LAMA4: variants seen among roughly 807,000 people sequenced by gnomAD.
The protein encoded by LAMA4 is laminin subunit alpha 4, also known as laminin subunit alpha-4.
A neutral mutation model predicts 207.1 loss-of-function variants in LAMA4; 127 were observed. That is an observed-to-expected ratio of 0.61 (90% CI 0.53 to 0.71). The LOEUF is 0.71. LAMA4 is among the 30% of genes least tolerant of loss of function. The probability of loss-of-function intolerance (pLI) is 0.00; values close to 1 mark genes in which losing one functional copy is unlikely to be tolerated. For missense variants in LAMA4, 2,093 were observed against 2,246.5 expected, an observed-to-expected ratio of 0.93 and a Z score of 1.38; for synonymous variants, 761 against 816.0, an observed-to-expected ratio of 0.93 and a Z score of 1.15.
chr6:112,186,227 T>C (rs1437048777), intron 8 of LAMA4, among the ~76,000 whole-genome samples: 1 of 152,152 alleles, frequency 6.6e-6, no homozygotes, highest in Non-Finnish European at 1.5e-5. Flanking sequence ...CAACAGCTCA[T>C]GAGATAGAGG....
chr6:112,177,026 G>C (rs1473008940), intron 10 of LAMA4, among the ~76,000 whole-genome samples: 1 of 152,200 alleles, frequency 6.6e-6, no homozygotes, highest in Non-Finnish European at 1.5e-5. Flanking sequence ...GCTGCCTAAA[G>C]AGGCATTTAT....
intron 1 of LAMA4, 55 bp from the exon 2 acceptor site, chr6:112,254,346 CCTCT>C: frequency 1.6e-6 from 1 of 636,332 alleles, no homozygotes; most frequent in Non-Finnish European, 2.8e-6. Flanking sequence ...CCTCTCTCTC[CCTCT>C]CTCTCTCTCC....
chr6:112,178,020 T>C, intron 10 of LAMA4, 101 bp downstream of exon 10: 1 of 863,206 alleles, frequency 1.2e-6, no homozygotes, highest in South Asian at 1.3e-5. Context: ...AACAAGTTCC[T>C]GGCACACAGC....
At chr6:112,154,768 GA>G in intron 16 of LAMA4, 82 bp downstream of exon 16, 1 of 878,926 alleles carries the variant, frequency 1.1e-6, no homozygotes, top group Non-Finnish European at 2.0e-6. Flanking sequence ...TTTAATCCTA[GA>G]TTTGGAAATC....
At chr6:112,136,608 C>T (rs1172844069) in intron 24 of LAMA4, among the ~76,000 whole-genome samples, 1 of 151,018 alleles carries the variant, frequency 6.6e-6, no homozygotes, top group East Asian at 2.0e-4. Context: ...AAGAGAATCG[C>T]TTGAACCCGG....
chr6:112,135,219 G>A (rs1779270273), intron 25 of LAMA4, among the ~76,000 whole-genome samples: 1 of 152,080 alleles, frequency 6.6e-6, no homozygotes, highest in South Asian at 2.1e-4. Context: ...AGCAGATTTC[G>A]AGAACTTACT....
intron 8 of LAMA4, 95 bp downstream of exon 8, chr6:112,187,355 A>G: frequency 7.3e-7 from 1 of 1,373,722 alleles, no homozygotes; most frequent in Non-Finnish European, 1.0e-6. Flanking sequence ...TACAGGTATG[A>G]GACTCAGATA....
At chr6:112,253,706 A>C in intron 2 of LAMA4, 1 of 1,589,618 alleles carries the variant, frequency 6.3e-7, no homozygotes, top group Non-Finnish European at 8.6e-7. Context: ...ATGAACTCAG[A>C]GCACCAACAC....
At chr6:112,147,560 G>T (rs1396221822) in intron 18 of LAMA4, among the ~76,000 whole-genome samples, 1 of 152,150 alleles carries the variant, frequency 6.6e-6, no homozygotes, top group Non-Finnish European at 1.5e-5. Flanking sequence ...TGGAAAAAGC[G>T]AAATTTCACA....
chr6:112,168,199 A>C (rs1332315082), intron 12 of LAMA4, among the ~76,000 whole-genome samples: 1 of 138,740 alleles, frequency 7.2e-6, no homozygotes, highest in Non-Finnish European at 1.5e-5. Flanking sequence ...CTCCGTCTCA[A>C]AAAAAAAAAA....
intron 9 of LAMA4, among the ~76,000 whole-genome samples, chr6:112,181,661 T>C (rs1196258257): frequency 6.6e-6 from 1 of 152,180 alleles, no homozygotes; most frequent in Non-Finnish European, 1.5e-5. Flanking sequence ...ATTTCTTCCT[T>C]AGAGTTACCG....
At chr6:112,221,994 C>T (rs1475495677) in intron 2 of LAMA4, among the ~76,000 whole-genome samples, 2 of 152,170 alleles carry the variant, frequency 1.3e-5, no homozygotes, top group African/African-American at 2.4e-5. Context: ...GCAAGCAGTT[C>T]TGAATTTAAG....
chr6:112,121,799 A>G (rs1262135687), intron 32 of LAMA4: 1 of 513,094 alleles, frequency 1.9e-6, no homozygotes, highest in Non-Finnish European at 3.5e-6. Flanking sequence ...TCCTGGAAGA[A>G]TACTGTTTTA....
chr6:112,185,312 T>C lies in LAMA4; in HGVS notation c.1002A>G (p.Leu334=), dbSNP rs1782619842. 1 of 1,613,370 alleles carries C rather than the reference T, an allele frequency of 6.2e-7. No individual in the cohort carries two copies. Among genetic ancestry groups the C allele is most frequent in the South Asian group, 1.1e-5 (1 of 91,066 alleles). ...CAGCATTGTTGATTTGTATCTTTCT[T>C]AGGGCGTATTGGTTTTCTCTTTCTG... ...KLSERENQYA[L]RKIQINNAEN... The change falls in exon 9 of 39, where the codon CTA becomes CTG. Residue 334 remains leucine, a synonymous_variant. Coordinates refer to ENST00000230538, the MANE Select transcript of LAMA4 (RefSeq NM_001105206.3).
chr6:112,171,634 G>A (rs1001617898), intron 12 of LAMA4: 1 of 150,736 alleles, frequency 6.6e-6, no homozygotes, highest in Non-Finnish European at 1.5e-5. Flanking sequence ...ACAGTATTTT[G>A]TGTTATACTT....
Position 112,148,333 on chromosome 6 carries a change from TC to T in LAMA4, c.2176del (p.Asp726MetfsTer11). ...AGACTGCCCCAGGCGCTGCTGGGCA[TC>T]CCCTTTACACAGAGCACAGGGTCAT... Reference protein sequence around the residue: ...VKQLQAAERGDAQQRLGQSRL... With the variant: ...VKQLQAAERGXAQQRLGQSRL... On this transcript the variant is annotated frameshift_variant and splice_region_variant, in exon 18 of 39. Transcript: ENST00000230538. LOFTEE classifies it high-confidence loss of function. 1 of 1,614,074 alleles carries T rather than the reference TC, an allele frequency of 6.2e-7. No individual in the cohort carries two copies. The highest frequency in any genetic ancestry group is 1.1e-5 in the South Asian group (1 of 91,078).
chr6:112,151,875 T>A (rs1484255851), intron 16 of LAMA4, among the ~76,000 whole-genome samples: 1 of 152,088 alleles, frequency 6.6e-6, no homozygotes, highest in African/African-American at 2.4e-5. Flanking sequence ...AAAAGTCAAG[T>A]TTGTTAAATA....
At chr6:112,168,738 ATG>A (rs1417897684) in intron 12 of LAMA4, among the ~76,000 whole-genome samples, 1 of 151,788 alleles carries the variant, frequency 6.6e-6, no homozygotes, top group Non-Finnish European at 1.5e-5. Context: ...AGGGATATAT[ATG>A]TGTGTGTATG....
rs143937452 is a variant in LAMA4, at chr6:112,165,194, C to T, written c.1634G>A (p.Arg545His). The stretch of plus-strand genomic sequence containing the variant: ...ATCATCAAGTTCTGAAAGAGTTAGA[C>T]GAGGTGTTGTCAGAGAGTCCGCAGA... ...STSADSLTTP[R>H]LTLSELDDII... The change falls in exon 13 of 39, where the codon CGT becomes CAT. Residue 545 changes from arginine (R) to histidine (H), a missense_variant. Arg to His is a conservative substitution (Grantham distance 29, BLOSUM62 0). Coordinates refer to ENST00000230538, the MANE Select transcript of LAMA4 (RefSeq NM_001105206.3). 2.5e-5 allele frequency: 40 copies of T among 1,611,602 alleles called. No homozygotes were observed. The highest frequency in any genetic ancestry group is 9.4e-5 in the African/African-American group (7 of 74,866).
Sources: allele counts gnomAD v4.1 joint callset (sites outside exome capture counted in the v4.1 genomes callset), GRCh38; gene constraint gnomAD v4.1.1; transcripts MANE v1.5; gene names NCBI Gene and HGNC (gene_info 2026-07-23, HGNC 2026-07-21).